PSTPIP1: variants seen among roughly 807,000 people sequenced by gnomAD.
PSTPIP1 encodes the protein proline-serine-threonine phosphatase interacting protein 1, also known as proline-serine-threonine phosphatase-interacting protein 1.
Under a neutral mutation model 69.6 loss-of-function variants are expected in PSTPIP1, and 66 were observed. The observed-to-expected ratio is 0.95, with a 90% CI of 0.78 to 1.16. The LOEUF is 1.16. Ranked by LOEUF, PSTPIP1 falls within the 50% of genes most tolerant of loss-of-function variation. PSTPIP1 has a pLI of 0.00. For synonymous variants in PSTPIP1, 266 were observed against 222.7 expected (o/e 1.19, Z -1.73); for missense variants, 603 against 557.4 (o/e 1.08, Z -0.82).
chr15:77,035,667 G>A (rs2076545049), intron 13 of PSTPIP1, 104 bp downstream of exon 13: 9 of 1,477,204 alleles, frequency 6.1e-6, no homozygotes, highest in Admixed American at 6.0e-5. Flanking sequence ...AAGAGGAAGT[G>A]TGTGTCCCCC....
At position 77,035,835 on chromosome 15, in the gene PSTPIP1, G is replaced by A. The variant is rs768664787; in HGVS notation, c.1019G>A (p.Arg340Gln). 65 of 1,610,032 alleles carry A rather than the reference G, an allele frequency of 4.0e-5. No homozygotes were observed. The highest frequency in any genetic ancestry group is 1.3e-4 in the East Asian group (6 of 44,852). ...STETLTPTPE[R>Q]NEGVYTAIAV... ...GAGACCCTGACCCCCACCCCCGAGC[G>A]GAATGAGGGTGTCTACACAGCCATC... Residue 340 changes from arginine to glutamine, a missense_variant, in exon 14 of 15, where the codon CGG becomes CAG. Physicochemically the swap from Arg to Gln is conservative, Grantham distance 43. Transcript: ENST00000558012.
At position 77,018,667 on chromosome 15, in the gene PSTPIP1, T is replaced by C. The variant is rs1048176198; in HGVS notation, c.212+136T>C. ...TAGGTCTGGATTGCTCCTTGGTGCC[T>C]GGTTATTGGGCATTCAGGGTGAGGC... On this transcript the variant is annotated intron_variant, in intron 3 of 14. Coordinates refer to ENST00000558012, the MANE Select transcript of PSTPIP1 (RefSeq NM_003978.5). 8.5e-6 allele frequency: 8 copies of C among 942,978 alleles called. No homozygotes were observed. The African/African-American group carries it at 1.3e-4, about 16-fold the overall frequency. The allele number at this position is 942,978 out of a possible 1,614,324, so 58.4% of individuals were successfully genotyped here.
At chr15:77,034,063 A>C (rs1418195935) in intron 12 of PSTPIP1, among the ~76,000 whole-genome samples, 1 of 152,032 alleles carries the variant, frequency 6.6e-6, no homozygotes, top group Non-Finnish European at 1.5e-5. Flanking sequence ...GATGTCCTGC[A>C]GGGCCGAGGG....
chr15:77,025,275 G>A lies in PSTPIP1; in HGVS notation c.213-9G>A, dbSNP rs1249944533. On this transcript the variant is annotated splice_polypyrimidine_tract_variant and intron_variant, in intron 3 of 14. Coordinates refer to ENST00000558012, the MANE Select transcript of PSTPIP1 (RefSeq NM_003978.5). ...TCCTCCTCCTGACCTGGACCCATCTGTTTTGCAGCTCCCTGAGGGCCTCCT... is the reference window on the plus strand; with the variant it reads ...TCCTCCTCCTGACCTGGACCCATCTATTTTGCAGCTCCCTGAGGGCCTCCT... The A allele has an allele frequency of 6.2e-7, 1 of 1,608,334 alleles. No homozygotes were observed.
At chr15:77,011,512 A>G (rs556929070) in intron 1 of PSTPIP1, among the ~76,000 whole-genome samples, 52 of 151,930 alleles carry the variant, frequency 3.4e-4, no homozygotes, top group African/African-American at 1.2e-3. Flanking sequence ...TTCTAATCTC[A>G]AGGTCCTGTC....
At chr15:77,008,094 A>T (rs1233896121) in intron 1 of PSTPIP1, 23 of 455,522 alleles carry the variant, frequency 5.0e-5, no homozygotes, top group Middle Eastern at 3.9e-4. Context: ...GGAGGGCGGG[A>T]GATCAGCACA....
At chr15:77,036,963 G>A (rs953903925) in intron 14 of PSTPIP1, 82 bp from the exon 15 acceptor site, 1 of 1,548,058 alleles carries the variant, frequency 6.5e-7, no homozygotes, top group South Asian at 1.2e-5. Context: ...TTTACTGCTG[G>A]GTGGGGGAAC....
rs774539506 is a variant in PSTPIP1 at position 77,032,836 on chromosome 15, TG to T, written c.839-22del. ...CAGAATGGGGTGTTGGGGGCCGCCC[TG>T]GGGCTCACGGCTTGCTGTCTGCAGC... is the stretch of plus-strand genomic sequence containing the variant. On this transcript the variant is annotated intron_variant, in intron 11 of 14. Coordinates refer to ENST00000558012, the MANE Select transcript of PSTPIP1 (RefSeq NM_003978.5). 16 of 1,548,320 alleles carry T rather than the reference TG, an allele frequency of 1.0e-5. No individual in the cohort carries two copies. In the South Asian group the frequency reaches 1.9e-4, roughly 18 times the overall value.
intron 1 of PSTPIP1, among the ~76,000 whole-genome samples, chr15:77,012,023 C>G (rs981690236): frequency 1.3e-5 from 2 of 152,146 alleles, no homozygotes; most frequent in African/African-American, 2.4e-5. Context: ...CATTCCCTCA[C>G]AGCTTTGGCT....
chr15:77,031,142 C>T (rs568816115), intron 9 of PSTPIP1, 38 bp from the exon 10 acceptor site: 10 of 1,587,090 alleles, frequency 6.3e-6, no homozygotes, highest in African/African-American at 4.0e-5. Flanking sequence ...GCCCTGCAGC[C>T]GCCTCCTCAC....
chr15:77,025,670 T>A, intron 5 of PSTPIP1, 66 bp downstream of exon 5: 1 of 1,394,234 alleles, frequency 7.2e-7, no homozygotes, highest in South Asian at 1.3e-5. Flanking sequence ...GCTGTGGGGG[T>A]AGGGGGCTGA....
At chr15:77,011,501 T>G (rs531972361) in intron 1 of PSTPIP1, among the ~76,000 whole-genome samples, 60 of 152,366 alleles carry the variant, frequency 3.9e-4, no homozygotes, top group Admixed American at 3.1e-3. Context: ...TGGAAACTCA[T>G]TTCTAATCTC....
chr15:77,018,420 G>A (rs1043071251), intron 2 of PSTPIP1, 37 bp from the exon 3 acceptor site: 2 of 1,555,842 alleles, frequency 1.3e-6, no homozygotes, highest in Admixed American at 3.9e-5. Context: ...GAGGTGGCAA[G>A]TCACTGATGA....
rs1462512883 is a variant in PSTPIP1 at position 77,032,897 on chromosome 15, G to A, written c.874G>A (p.Val292Ile). The stretch of plus-strand genomic sequence containing the variant: ...CTACCAGAACTATTACGATCGGGAG[G>A]TCACCCCGCTGACCAGCAGCCCTGG... ...VPYQNYYDREVTPLTSSPGIQ... is the reference protein window; with the variant it reads ...VPYQNYYDREITPLTSSPGIQ... Residue 292 changes from valine (V) to isoleucine (I), a missense_variant, in exon 12 of 15, where the codon GTC (valine) becomes ATC (isoleucine). By Grantham distance (29) the Val-to-Ile change is conservative. Coordinates refer to ENST00000558012, the MANE Select transcript of PSTPIP1 (RefSeq NM_003978.5). 6 of 1,603,828 alleles carry A rather than the reference G, an allele frequency of 3.7e-6. No homozygotes were observed. The highest frequency in any genetic ancestry group is 1.1e-5 in the South Asian group (1 of 89,376).
At chr15:77,006,370 A>G (rs1279056671) in intron 1 of PSTPIP1, among the ~76,000 whole-genome samples, 1 of 152,160 alleles carries the variant, frequency 6.6e-6, no homozygotes, top group Non-Finnish European at 1.5e-5. Flanking sequence ...CTCATCCTTT[A>G]TCAGATATAT....
intron 1 of PSTPIP1, among the ~76,000 whole-genome samples, chr15:77,012,607 G>T (rs1478526036): frequency 6.6e-6 from 1 of 152,202 alleles, no homozygotes; most frequent in Non-Finnish European, 1.5e-5. Context: ...CAGTAATGGT[G>T]GAGAGGAGTC....
rs781251437 is a variant in PSTPIP1 at position 77,035,884 on chromosome 15, C to G, written c.1068C>G (p.Asn356Lys). ...TCGCAGTGCAGGAGATACAGGGAAA[C>G]CCGGCCTCACCAGCCCAGGAGTACC... The part of the protein sequence containing the change: ...TAIAVQEIQG[N>K]PASPAQEYRA... Residue 356 changes from asparagine (N) to lysine (K), a missense_variant, in exon 14 of 15, where the codon AAC (asparagine) becomes AAG (lysine). Asn to Lys is a moderately conservative substitution (Grantham distance 94). Coordinates refer to ENST00000558012, the MANE Select transcript of PSTPIP1 (RefSeq NM_003978.5). The G allele has an allele frequency of 8.7e-6, 14 of 1,610,284 alleles. No homozygotes were observed. The highest frequency in any genetic ancestry group is 1.7e-5 in the Admixed American group (1 of 59,866).
At chr15:77,015,440 T>C (rs994305555) in intron 1 of PSTPIP1, among the ~76,000 whole-genome samples, 11 of 152,234 alleles carry the variant, frequency 7.2e-5, no homozygotes, top group Middle Eastern at 6.8e-3. Context: ...TGGTGCAGTG[T>C]GTGCCAGGTA....
At position 77,030,420 on chromosome 15, in the gene PSTPIP1, G is replaced by A. The variant is rs10152353; in HGVS notation, c.563-82G>A. ...GGAGGCGGGGCTCCCAGTGGGAGGA[G>A]GCATCCAGGATGGGACCTGCTGGAG... On this transcript the variant is annotated intron_variant, in intron 8 of 14. Coordinates refer to ENST00000558012, the MANE Select transcript of PSTPIP1 (RefSeq NM_003978.5). 0.021 allele frequency: 30,447 copies of A among 1,421,002 alleles called. 649 individuals are homozygous for A. The highest frequency in any genetic ancestry group is 0.09 in the African/African-American group (6,388 of 70,874). The allele number at this position is 1,421,002 out of a possible 1,614,324, so 88.0% of individuals were successfully genotyped here.
Sources: allele counts gnomAD v4.1 joint callset (sites outside exome capture counted in the v4.1 genomes callset), GRCh38; gene constraint gnomAD v4.1.1; transcripts MANE v1.5; gene names NCBI Gene and HGNC (gene_info 2026-07-23, HGNC 2026-07-21).